The following CMYA5 variants were observed in gnomAD, a reference collection of about 807,000 sequenced individuals.
CMYA5 encodes cardiomyopathy-associated protein 5.
CMYA5 carries 246 observed loss-of-function variants against 318.9 expected under a neutral mutation model. That is an observed-to-expected ratio of 0.77 (90% CI 0.70 to 0.86). The LOEUF (loss-of-function observed/expected upper bound fraction) is 0.86, where lower values mean the gene tolerates loss of function less well. Among genes scored for constraint, CMYA5 ranks in the 40% least tolerant of loss-of-function variants. The pLI is 0.00. For synonymous variants in CMYA5, 1,641 were observed against 1,729.5 expected (o/e 0.95, Z 1.27); for missense variants, 4,589 against 4,678.2 (o/e 0.98, Z 0.56).
rs539516621 is a variant in CMYA5 at position 79,716,740 on chromosome 5, T to C, written c.150-12175T>C. ...CTGGGAGAACACTGATTGTGTCTAGTGACGCTGTTGTACAGGTGAGGGCTT... is the reference window on the plus strand; with the variant it reads ...CTGGGAGAACACTGATTGTGTCTAGCGACGCTGTTGTACAGGTGAGGGCTT... On this transcript the variant is annotated intron_variant, in intron 1 of 12. Coordinates refer to ENST00000446378, the MANE Select transcript of CMYA5 (RefSeq NM_153610.5). Among the ~76,000 whole-genome samples, 61 of 152,316 alleles carry C rather than the reference T, an allele frequency of 4.0e-4. 2 individuals carry two copies. The East Asian group carries it at 0.012, about 29-fold the overall frequency.
intron 11 of CMYA5, among the ~76,000 whole-genome samples, chr5:79,792,996 A>C (rs1482135898): frequency 6.6e-6 from 1 of 152,250 alleles, no homozygotes; most frequent in African/African-American, 2.4e-5. Context: ...GTCAGGAGGC[A>C]TAGAACTCAT....
intron 5 of CMYA5, among the ~76,000 whole-genome samples, chr5:79,752,233 C>G (rs559302953): frequency 6.6e-6 from 1 of 152,096 alleles, no homozygotes; most frequent in African/African-American, 2.4e-5. Context: ...AGCTTAATAT[C>G]GAGGTTTGAG....
Position 79,762,972 on chromosome 5 carries a change from A to G in CMYA5, c.11408-90A>G, listed in dbSNP as rs1313232805. ...CTGATGAAAAATTGAAAACAGAATCATGCCGAAGCCGTGGAAGATCACGTG... is the reference window on the plus strand; with the variant it reads ...CTGATGAAAAATTGAAAACAGAATCGTGCCGAAGCCGTGGAAGATCACGTG... On this transcript the variant is annotated intron_variant, in intron 8 of 12. Coordinates refer to ENST00000446378, the MANE Select transcript of CMYA5 (RefSeq NM_153610.5). 6.4e-6 allele frequency: 9 copies of G among 1,412,908 alleles called. No homozygotes were observed. The Admixed American group carries it at 8.6e-5, about 13-fold the overall frequency. 87.5% of individuals were successfully genotyped at this position (1,412,908 alleles called of 1,614,324 possible). A position where few individuals can be genotyped will look rare whatever the true frequency, so the allele number is the denominator to read the frequency against.
chr5:79,770,621 C>G (rs1016566874), intron 9 of CMYA5, among the ~76,000 whole-genome samples: 1 of 152,124 alleles, frequency 6.6e-6, no homozygotes, highest in Non-Finnish European at 1.5e-5. Context: ...GCTGCATCCA[C>G]TGAGATGAGC....
rs1441207618 is a variant in CMYA5 at position 79,730,961 on chromosome 5, A to G, written c.2196A>G (p.Pro732=). Residue 732 remains proline, a synonymous_variant, in exon 2 of 13, where the codon CCA becomes CCG. Transcript: ENST00000446378. The stretch of plus-strand genomic sequence containing the variant: ...AAGGTGTTTCTGAGTACATGATTCC[A>G]TCAGAAGAGAAGGAAGACACTGGAT... ...ILKGVSEYMI[P]SEEKEDTGSF... 2 of 1,613,990 alleles carry G rather than the reference A, an allele frequency of 1.2e-6. No homozygotes were observed. The highest frequency in any genetic ancestry group is 1.1e-5 in the South Asian group (1 of 91,074).
chr5:79,712,008 A>G (rs762564058), intron 1 of CMYA5, among the ~76,000 whole-genome samples: 9 of 152,228 alleles, frequency 5.9e-5, no homozygotes, highest in Admixed American at 2.6e-4. Context: ...GGAGAGTGCC[A>G]TCACTGGGCC....
intron 9 of CMYA5, among the ~76,000 whole-genome samples, chr5:79,775,537 G>C (rs534556952): frequency 1.3e-5 from 2 of 152,176 alleles, no homozygotes; most frequent in African/African-American, 2.4e-5. Flanking sequence ...ACAGGAGAGA[G>C]GGGGAGACAG....
chr5:79,735,276 G>A lies in CMYA5; in HGVS notation c.6511G>A (p.Gly2171Arg). The change falls in exon 2 of 13, where the codon GGA becomes AGA. Residue 2171 changes from glycine to arginine, a missense_variant. Around this residue, in one of 3 missense-constraint regions of CMYA5, gnomAD observed 2,431 missense variants for 2,495.1 expected, o/e 0.97. Transcript: ENST00000446378. ...TAAGCCGGACCTTCCTGAGGAAAAG[G>A]GAAAGAAAGGAATTTCATCTTTCAA... The part of the protein sequence containing the change: ...VAKPDLPEEK[G>R]KKGISSFKSW... 3 of 1,613,826 alleles carry A rather than the reference G, an allele frequency of 1.9e-6. No individual in the cohort carries two copies. In the South Asian group the frequency reaches 3.3e-5, roughly 18 times the overall value.
In CMYA5 at chr5:79,799,517, G is replaced by A; in HGVS notation, c.12111G>A (p.Arg4037=). 6.2e-7 allele frequency: 1 copy of A among 1,613,986 alleles called. No homozygotes were observed. Among genetic ancestry groups the A allele is most frequent in the Non-Finnish European group, 8.5e-7 (1 of 1,179,890 alleles). ...AGTTGCTCTTCATCATCAGGCACAG[G>A]TTTAATGAGGGTGTCCACCCTGCCT... is the stretch of plus-strand genomic sequence containing the variant. ...SEQLLFIIRH[R]FNEGVHPAFA... The change falls in exon 13 of 13, where the codon AGG becomes AGA. Residue 4037 remains arginine (R), a synonymous_variant. Coordinates refer to ENST00000446378, the MANE Select transcript of CMYA5 (RefSeq NM_153610.5).
intron 1 of CMYA5, among the ~76,000 whole-genome samples, chr5:79,707,866 G>C (rs966991639): frequency 2.6e-5 from 4 of 152,316 alleles, no homozygotes; most frequent in East Asian, 3.9e-4. Flanking sequence ...ATTTCTCAGA[G>C]CTCTGGAGGC....
At position 79,751,330 on chromosome 5, in the gene CMYA5, G is replaced by A. The variant is rs191087749; in HGVS notation, c.10992-1346G>A. On this transcript the variant is annotated intron_variant, in intron 5 of 12. Coordinates refer to ENST00000446378, the MANE Select transcript of CMYA5 (RefSeq NM_153610.5). ...CTGGCCCTCGAATGTGCTGTACTTG[G>A]CCGCATCTCCATGCCTGGGTTCATA... is the stretch of plus-strand genomic sequence containing the variant. Among the ~76,000 whole-genome samples the A allele has an allele frequency of 1.3e-3, 202 of 152,146 alleles. 2 individuals are homozygous for A. The highest frequency in any genetic ancestry group is 3.1e-4 in the Non-Finnish European group (21 of 68,014).
At chr5:79,752,346 C>T (rs1050128099) in intron 5 of CMYA5, among the ~76,000 whole-genome samples, 1 of 152,112 alleles carries the variant, frequency 6.6e-6, no homozygotes, top group Non-Finnish European at 1.5e-5. Flanking sequence ...AATCCTTTCC[C>T]TTTAGGAAAT....
intron 1 of CMYA5, among the ~76,000 whole-genome samples, chr5:79,720,525 C>T (rs971017502): frequency 2.0e-5 from 3 of 151,294 alleles, no homozygotes; most frequent in South Asian, 4.2e-4. Context: ...CAACCTCCCC[C>T]TCCCAGGTTC....
rs200982295 is a variant in CMYA5, at chr5:79,733,630, C to T, written c.4865C>T (p.Pro1622Leu). 2.5e-6 allele frequency: 4 copies of T among 1,613,274 alleles called. No individual in the cohort carries two copies. Among genetic ancestry groups the T allele is most frequent in the Non-Finnish European group, 3.4e-6 (4 of 1,179,694 alleles). Residue 1622 changes from proline (P) to leucine (L), a missense_variant, in exon 2 of 13, where the codon CCT becomes CTT. Coordinates refer to ENST00000446378, the MANE Select transcript of CMYA5 (RefSeq NM_153610.5). ...DVALAELSLE[P>L]EKKDKPHQPL... Reference sequence around the variant, plus strand: ...GCTTTGGCAGAGCTGTCTTTGGAACCTGAGAAGAAAGACAAGCCACACCAA... The same window carrying T: ...GCTTTGGCAGAGCTGTCTTTGGAACTTGAGAAGAAAGACAAGCCACACCAA...
chr5:79,691,948 A>C (rs1826977325), intron 1 of CMYA5, among the ~76,000 whole-genome samples: 1 of 152,190 alleles, frequency 6.6e-6, no homozygotes, highest in African/African-American at 2.4e-5. Context: ...GGTAGGTTTA[A>C]GTTTTTTCTG....
chr5:79,729,741 A>G lies in CMYA5; in HGVS notation c.976A>G (p.Ile326Val), dbSNP rs1827833471. The G allele has an allele frequency of 6.2e-7, 1 of 1,613,962 alleles. No homozygotes were observed. Among genetic ancestry groups the G allele is most frequent in the African/African-American group, 1.3e-5 (1 of 75,048 alleles). The change falls in exon 2 of 13, where the codon ATT becomes GTT. Residue 326 changes from isoleucine (I) to valine (V), a missense_variant. Coordinates refer to ENST00000446378, the MANE Select transcript of CMYA5 (RefSeq NM_153610.5). ...GTTCAGTCATGAAGATCAAAAGAAA[A>G]TTTATGCTGATTCTCCCCTAAATGC... ...LMFSHEDQKKIYADSPLNATS... is the reference protein window; with the variant it reads ...LMFSHEDQKKVYADSPLNATS...
At chr5:79,742,164 C>A (rs543313079) in intron 2 of CMYA5, among the ~76,000 whole-genome samples, 1 of 143,646 alleles carries the variant, frequency 7.0e-6, no homozygotes, top group East Asian at 2.2e-4. Flanking sequence ...TCCTTTCCCC[C>A]CTCCTCCTCC....
At chr5:79,715,055 A>G (rs546879159) in intron 1 of CMYA5, among the ~76,000 whole-genome samples, 3 of 152,172 alleles carry the variant, frequency 2.0e-5, no homozygotes, top group Non-Finnish European at 4.4e-5. Flanking sequence ...AATTTTTTAT[A>G]ACAAGAATGT....
chr5:79,708,475 A>T (rs1282959993), intron 1 of CMYA5, among the ~76,000 whole-genome samples: 2 of 152,032 alleles, frequency 1.3e-5, no homozygotes, highest in Non-Finnish European at 2.9e-5. Flanking sequence ...CAAAAATAAA[A>T]TTAGCCAGGC....
Sources: gnomAD v4.1 joint callset for allele counts (sites outside exome capture counted in the v4.1 genomes callset) on GRCh38, gnomAD v4.1.1 for gene constraint, gnomAD v4.1.1 regional missense constraint, MANE v1.5 for transcripts, NCBI Gene and HGNC (gene_info 2026-07-23, HGNC 2026-07-21) for gene names.